CLASP2: variants seen among roughly 807,000 people sequenced by gnomAD.
CLASP2 encodes cytoplasmic linker associated protein 2, also known as CLIP-associating protein 2.
In CLASP2, 47 loss-of-function variants were observed where a neutral mutation model predicts 194.4. The ratio of observed to expected loss-of-function variants is 0.24; its 90% confidence interval spans 0.19 to 0.31. The LOEUF (loss-of-function observed/expected upper bound fraction) is 0.31, where lower values mean the gene tolerates loss of function less well. CLASP2 is among the 10% of genes least tolerant of loss of function. The pLI is 1.00. For synonymous variants in CLASP2, 619 were observed against 633.5 expected (o/e 0.98, Z 0.34); for missense variants, 1,445 against 1,823.6 (o/e 0.79, Z 3.78).
chr3:33,701,580 A>G (rs1391882619), intron 1 of CLASP2, among the ~76,000 whole-genome samples: 1 of 152,244 alleles, frequency 6.6e-6, no homozygotes, highest in Non-Finnish European at 1.5e-5. Flanking sequence ...TGGGTAACAG[A>G]GTAATACCCT....
At chr3:33,562,650 T>C (rs1292318431) in intron 27 of CLASP2, among the ~76,000 whole-genome samples, 2 of 152,116 alleles carry the variant, frequency 1.3e-5, no homozygotes, top group African/African-American at 4.8e-5. Flanking sequence ...GACACCATTG[T>C]CCTATTCTTT....
intron 2 of CLASP2, among the ~76,000 whole-genome samples, chr3:33,695,607 T>C (rs1252139274): frequency 6.6e-6 from 1 of 152,088 alleles, no homozygotes; most frequent in Non-Finnish European, 1.5e-5. Flanking sequence ...TTAAATGTGA[T>C]GATATACTGA....
chr3:33,607,819 A>G (rs1464261521), intron 14 of CLASP2, among the ~76,000 whole-genome samples: 1 of 152,220 alleles, frequency 6.6e-6, no homozygotes, highest in East Asian at 1.9e-4. Context: ...TGTAGAAATG[A>G]TTTGCTAAGT....
In CLASP2 at chr3:33,609,898, T is replaced by C. The variant is rs183685111; in HGVS notation, c.1389-1272A>G. On this transcript the variant is annotated intron_variant, in intron 13 of 38. Transcript: ENST00000682230. ...ATACTACAGATTAGGAAATGAGAAATGGGGAGGTTAAATTAACTTGCTCAA... is the reference window on the plus strand; with the variant it reads ...ATACTACAGATTAGGAAATGAGAAACGGGGAGGTTAAATTAACTTGCTCAA... 4.4e-3 allele frequency among the ~76,000 whole-genome samples: 673 copies of C among 152,302 alleles called. 6 individuals carry two copies. Among genetic ancestry groups the C allele is most frequent in the Non-Finnish European group, 7.1e-3 (480 of 68,026 alleles).
chr3:33,698,599 G>C (rs1238753365), intron 1 of CLASP2, among the ~76,000 whole-genome samples: 2 of 152,180 alleles, frequency 1.3e-5, no homozygotes, highest in African/African-American at 2.4e-5. Flanking sequence ...GTAGAAACTT[G>C]AGGAAAACCC....
intron 10 of CLASP2, 60 bp downstream of exon 10, chr3:33,626,928 G>GT: frequency 9.6e-7 from 1 of 1,041,252 alleles, no homozygotes; most frequent in South Asian, 1.5e-5. Context: ...GAATTTCCAT[G>GT]TTTTTTAAAA....
At chr3:33,600,642 C>T (rs761013857) in intron 18 of CLASP2, among the ~76,000 whole-genome samples, 4 of 151,640 alleles carry the variant, frequency 2.6e-5, no homozygotes, top group Non-Finnish European at 5.9e-5. Flanking sequence ...CACACCAGTC[C>T]TTCTTCTATG....
At chr3:33,506,937 ATTC>A (rs1001859707) in intron 37 of CLASP2, among the ~76,000 whole-genome samples, 1 of 137,202 alleles carries the variant, frequency 7.3e-6, no homozygotes, top group African/African-American at 2.6e-5. Flanking sequence ...AGTTGATTAG[ATTC>A]TTTTTTTTTT....
intron 7 of CLASP2, among the ~76,000 whole-genome samples, chr3:33,660,157 A>G (rs887525401): frequency 6.6e-6 from 1 of 152,202 alleles, no homozygotes; most frequent in Non-Finnish European, 1.5e-5. Context: ...ACAGCCACCA[A>G]CACTGTTAGT....
chr3:33,579,640 C>T (rs949293873), intron 23 of CLASP2, among the ~76,000 whole-genome samples: 1 of 152,102 alleles, frequency 6.6e-6, no homozygotes, highest in African/African-American at 2.4e-5. Context: ...CCATGATGAC[C>T]ATGATAACTG....
chr3:33,567,129 T>C (rs2062883046), intron 26 of CLASP2, among the ~76,000 whole-genome samples: 1 of 152,202 alleles, frequency 6.6e-6, no homozygotes, highest in African/African-American at 2.4e-5. Flanking sequence ...GTCCATAGAA[T>C]TTTTTCCTTT....
chr3:33,688,304 C>A lies in CLASP2; in HGVS notation c.443G>T (p.Cys148Phe). The change falls in exon 4 of 39, where the codon TGT becomes TTT. Residue 148 changes from cysteine (C) to phenylalanine (F), a missense_variant. Cys to Phe is a radical substitution (Grantham distance 205). Coordinates refer to ENST00000682230, the MANE Select transcript of CLASP2 (RefSeq NM_001365631.1). ...GTTTAAGGTTTCAATAAGACACAGA[C>A]ACACGCCTTCTCGAGATCGAAAATT... ...HKNFRSREGVCLCLIETLNIF... is the reference protein window; with the variant it reads ...HKNFRSREGVFLCLIETLNIF... The A allele has an allele frequency of 6.3e-7, 1 of 1,590,034 alleles. No homozygotes were observed. Among genetic ancestry groups the A allele is most frequent in the Non-Finnish European group, 8.6e-7 (1 of 1,167,150 alleles).
chr3:33,654,570 G>A (rs1020205530), intron 7 of CLASP2, among the ~76,000 whole-genome samples: 16 of 151,848 alleles, frequency 1.1e-4, no homozygotes, highest in Admixed American at 2.0e-4. Flanking sequence ...AAAAGCTTAC[G>A]AAAAAATAAT....
Position 33,612,026 on chromosome 3 carries a change from T to C in CLASP2, c.1363A>G (p.Thr455Ala). 6.2e-7 allele frequency: 1 copy of C among 1,610,628 alleles called. No individual in the cohort carries two copies. The highest frequency in any genetic ancestry group is 8.5e-7 in the Non-Finnish European group (1 of 1,178,026). The change falls in exon 13 of 39, where the codon ACA becomes GCA. Residue 455 changes from threonine (T) to alanine (A), a missense_variant. Thr to Ala is a moderately conservative substitution (Grantham distance 58). Transcript: ENST00000682230. ...RLIPLITSNC[T>A]SKSVPVRRRS... ...CTCCTCACGGGAACTGATTTTGATG[T>C]GCAATTGCTTGTTATTAAAGGTATA...
intron 23 of CLASP2, among the ~76,000 whole-genome samples, chr3:33,579,208 A>G (rs1040440815): frequency 6.6e-6 from 1 of 152,216 alleles, no homozygotes; most frequent in South Asian, 2.1e-4. Context: ...CAGTGCAAAT[A>G]GGAACTTTCA....
At chr3:33,608,830 G>A (rs775823429) in intron 13 of CLASP2, among the ~76,000 whole-genome samples, 1 of 136,676 alleles carries the variant, frequency 7.3e-6, no homozygotes, top group Non-Finnish European at 1.5e-5. Context: ...TCGGCTCACT[G>A]CAACCTCTGC....
In CLASP2 at chr3:33,584,868, G is replaced by C; in HGVS notation, c.2121C>G (p.Ser707=). The change falls in exon 22 of 39, where the codon TCC becomes TCG. Residue 707 remains serine, a synonymous_variant. Coordinates refer to ENST00000682230, the MANE Select transcript of CLASP2 (RefSeq NM_001365631.1). ...CTCTTTGAACACCAGAGCTCACAGT[G>C]GACAGGGCTGTTGTGGTCAGAACTC... The part of the protein sequence containing the change: ...PGRVLTTTAL[S]TVSSGVQRVL... The C allele has an allele frequency of 6.2e-7, 1 of 1,613,858 alleles. No individual in the cohort carries two copies.
At chr3:33,647,436 C>T (rs1156633563) in intron 7 of CLASP2, among the ~76,000 whole-genome samples, 1 of 152,116 alleles carries the variant, frequency 6.6e-6, no homozygotes, top group Non-Finnish European at 1.5e-5. Context: ...CATACAAGCC[C>T]TCCCAGTCAT....
At chr3:33,703,721 A>G (rs954286832) in intron 1 of CLASP2, among the ~76,000 whole-genome samples, 1 of 152,238 alleles carries the variant, frequency 6.6e-6, no homozygotes, top group Non-Finnish European at 1.5e-5. Flanking sequence ...CCTGGACTCA[A>G]GCAATCCACT....
Sources: allele counts gnomAD v4.1 joint callset (sites outside exome capture counted in the v4.1 genomes callset), GRCh38; gene constraint gnomAD v4.1.1; transcripts MANE v1.5; gene names NCBI Gene and HGNC (gene_info 2026-07-23, HGNC 2026-07-21).